TRPC7: variants seen among roughly 807,000 people sequenced by gnomAD.
The protein encoded by TRPC7 is short transient receptor potential channel 7.
A neutral mutation model predicts 90.1 loss-of-function variants in TRPC7; 42 were observed. The observed-to-expected ratio is 0.47, with a 90% CI of 0.36 to 0.60. The LOEUF is 0.60. Ranked by LOEUF, TRPC7 falls within the 20% of genes least tolerant of loss-of-function variation. TRPC7 has a pLI of 0.00. For missense variants in TRPC7, 955 were observed against 1,112.3 expected (o/e 0.86, Z 2.01); for synonymous variants, 451 against 436.3 (o/e 1.03, Z -0.42).
At chr5:136,311,418 C>T (rs1481889467) in intron 3 of TRPC7, among the ~76,000 whole-genome samples, 1 of 152,208 alleles carries the variant, frequency 6.6e-6, no homozygotes, top group Non-Finnish European at 1.5e-5. Flanking sequence ...ACATGGCAGA[C>T]ACTGGGGTCC....
chr5:136,227,995 T>C (rs1251498570), intron 8 of TRPC7, among the ~76,000 whole-genome samples: 3 of 152,178 alleles, frequency 2.0e-5, no homozygotes, highest in African/African-American at 7.2e-5. Flanking sequence ...GCACCTGCTA[T>C]GTACTTGGCA....
At position 136,247,681 on chromosome 5, in the gene TRPC7, G is replaced by A. The variant is rs1320593384; in HGVS notation, c.1634C>T (p.Ala545Val). Reference sequence around the variant, plus strand: ...AGAGAAGCTCAGCACGACGGCTATCGCGTAGAGCCCTTCCGATATGATCTG... The same window carrying A: ...AGAGAAGCTCAGCACGACGGCTATCACGTAGAGCCCTTCCGATATGATCTG... ...DPQIISEGLY[A>V]IAVVLSFSRI... Residue 545 changes from alanine to valine, a missense_variant, in exon 7 of 12, where the codon GCG (alanine) becomes GTG (valine). Around this residue, in one of 4 missense-constraint regions of TRPC7, gnomAD observed 296 missense variants for 422.7 expected, o/e 0.70. Coordinates refer to ENST00000513104, the MANE Select transcript of TRPC7 (RefSeq NM_020389.3). The surrounding 1 kb of genome is among the most constrained non-coding windows in gnomAD (Gnocchi z 4.2). 9 of 1,613,846 alleles carry A rather than the reference G, an allele frequency of 5.6e-6. No homozygotes were observed. The highest frequency in any genetic ancestry group is 2.2e-5 in the South Asian group (2 of 91,078).
At position 136,277,003 on chromosome 5, in the gene TRPC7, G is replaced by A. The variant is rs149807068; in HGVS notation, c.964-2166C>T. 3.6e-3 allele frequency among the ~76,000 whole-genome samples: 554 copies of A among 152,288 alleles called. 2 individuals are homozygous for A. Among genetic ancestry groups the A allele is most frequent in the African/African-American group, 0.011 (458 of 41,554 alleles). On this transcript the variant is annotated intron_variant, in intron 3 of 11. Coordinates refer to ENST00000513104, the MANE Select transcript of TRPC7 (RefSeq NM_020389.3). The stretch of plus-strand genomic sequence containing the variant: ...CGACACATGCTGTGAAATAGAAGAC[G>A]AGTATTTGACTCACCCTATGGCTCC...
intron 11 of TRPC7, 44 bp from the exon 12 acceptor site, chr5:136,213,648 G>C (rs746097813): frequency 6.2e-6 from 10 of 1,605,330 alleles, no homozygotes; most frequent in African/African-American, 4.0e-5. Context: ...GTAGGTGGAA[G>C]CTCGGGGCTT....
chr5:136,324,512 A>G (rs1296739218), intron 2 of TRPC7, among the ~76,000 whole-genome samples: 1 of 152,152 alleles, frequency 6.6e-6, no homozygotes, highest in Admixed American at 6.5e-5. Context: ...TTAGTTCTCA[A>G]CTATTTGAGA....
chr5:136,303,541 T>C (rs1323608037), intron 3 of TRPC7, among the ~76,000 whole-genome samples: 1 of 152,096 alleles, frequency 6.6e-6, no homozygotes, highest in Non-Finnish European at 1.5e-5. Context: ...TGAACTGCAG[T>C]GGCCAGGCAT....
At chr5:136,301,332 A>AT (rs368799815) in intron 3 of TRPC7, among the ~76,000 whole-genome samples, 12,169 of 85,506 alleles carry the variant, frequency 0.14, 1,520 homozygotes, top group Non-Finnish European at 0.18. Context: ...CAGCCCAGGC[A>AT]TTTTTTTTTT....
chr5:136,271,626 A>G (rs1289225361), intron 4 of TRPC7, among the ~76,000 whole-genome samples: 2 of 152,246 alleles, frequency 1.3e-5, no homozygotes, highest in African/African-American at 4.8e-5. Flanking sequence ...AGGGATTAGA[A>G]TTCACTGGTC....
chr5:136,237,852 C>T (rs1417539308), intron 7 of TRPC7, among the ~76,000 whole-genome samples: 3 of 152,170 alleles, frequency 2.0e-5, no homozygotes, highest in African/African-American at 7.2e-5. Context: ...GACTATGGAG[C>T]CCTGCAATTA....
At chr5:136,262,956 G>C (rs999799647) in intron 5 of TRPC7, among the ~76,000 whole-genome samples, 2 of 152,190 alleles carry the variant, frequency 1.3e-5, no homozygotes, top group Non-Finnish European at 2.9e-5. Flanking sequence ...GCTCCAGAGA[G>C]AAGGGTACTA....
intron 7 of TRPC7, among the ~76,000 whole-genome samples, chr5:136,245,589 G>C (rs916513919): frequency 1.3e-5 from 2 of 152,080 alleles, no homozygotes; most frequent in Admixed American, 6.5e-5. Flanking sequence ...GGCCACTCAG[G>C]GCTTCCTGGG....
chr5:136,344,148 A>G lies in TRPC7; in HGVS notation c.780+12460T>C, dbSNP rs1759931704. Among the ~76,000 whole-genome samples, 3 of 152,356 alleles carry G rather than the reference A, an allele frequency of 2.0e-5. No homozygotes were observed. In the South Asian group the frequency reaches 6.2e-4, roughly 32 times the overall value. Reference sequence around the variant, plus strand: ...CAACATGATGGAGCTGGAGGCCATTATCCTAAGCAAACTAACACAGGAACA... The same window carrying G: ...CAACATGATGGAGCTGGAGGCCATTGTCCTAAGCAAACTAACACAGGAACA... On this transcript the variant is annotated intron_variant, in intron 2 of 11. Transcript: ENST00000513104.
At chr5:136,341,188 G>A (rs1759832919) in intron 2 of TRPC7, among the ~76,000 whole-genome samples, 1 of 152,102 alleles carries the variant, frequency 6.6e-6, no homozygotes, top group African/African-American at 2.4e-5. Flanking sequence ...GTTTAATATA[G>A]AACTGTTTAT....
intron 2 of TRPC7, among the ~76,000 whole-genome samples, chr5:136,322,028 T>C: frequency 6.6e-6 from 1 of 152,154 alleles, no homozygotes; most frequent in East Asian, 1.9e-4. Flanking sequence ...GATTTTTTTT[T>C]TTTTAAGACG....
At chr5:136,261,428 C>T (rs1756854982) in intron 5 of TRPC7, among the ~76,000 whole-genome samples, 1 of 152,224 alleles carries the variant, frequency 6.6e-6, no homozygotes, top group African/African-American at 2.4e-5. Context: ...GTCAACTCCA[C>T]CTTTTCTCCC....
intron 3 of TRPC7, among the ~76,000 whole-genome samples, chr5:136,310,437 C>T (rs1164492723): frequency 1.3e-5 from 2 of 152,184 alleles, no homozygotes; most frequent in Non-Finnish European, 2.9e-5. Context: ...TCCCATGGTC[C>T]TGTCCCAGGT....
chr5:136,335,671 A>G (rs1174956883), intron 2 of TRPC7, among the ~76,000 whole-genome samples: 1 of 151,986 alleles, frequency 6.6e-6, no homozygotes, highest in East Asian at 1.9e-4. Flanking sequence ...TGGGAGGCCG[A>G]GACGGGCAGA....
intron 3 of TRPC7, among the ~76,000 whole-genome samples, chr5:136,284,808 G>A (rs546769471): frequency 5.3e-5 from 8 of 152,326 alleles, no homozygotes; most frequent in African/African-American, 1.9e-4. Flanking sequence ...AGAGAGTCAG[G>A]AAAAGCATGC....
chr5:136,281,456 T>C (rs1389025087), intron 3 of TRPC7, among the ~76,000 whole-genome samples: 1 of 152,170 alleles, frequency 6.6e-6, no homozygotes, highest in Non-Finnish European at 1.5e-5. Flanking sequence ...TAATTAGCAT[T>C]TCAAGTCCCA....
Sources: allele counts gnomAD v4.1 joint callset (sites outside exome capture counted in the v4.1 genomes callset), GRCh38; gene constraint gnomAD v4.1.1; regional missense constraint gnomAD v4.1.1; non-coding constraint Gnocchi (gnomAD v3.1); transcripts MANE v1.5; gene names NCBI Gene and HGNC (gene_info 2026-07-23, HGNC 2026-07-21).